Variants in HIVEP3 observed in about 807,000 individuals in gnomAD.
HIVEP3 encodes HIVEP zinc finger 3.
HIVEP3 carries 49 observed loss-of-function variants against 152.8 expected under a neutral mutation model. The ratio of observed to expected loss-of-function variants is 0.32; its 90% CI spans 0.26 to 0.41. HIVEP3 has a LOEUF of 0.41. Among genes scored for constraint, HIVEP3 ranks in the 10% least tolerant of loss-of-function variants. The pLI is 1.00. For synonymous variants in HIVEP3, 1,269 were observed against 1,289.0 expected (o/e 0.98, Z 0.33); for missense variants, 2,790 against 3,103.3 (o/e 0.90, Z 2.40).
chr1:41,561,327 A>G (rs1326221564), intron 5 of HIVEP3, among the ~76,000 whole-genome samples: 3 of 152,160 alleles, frequency 2.0e-5, no homozygotes, highest in African/African-American at 7.2e-5. Context: ...TGACCCAGAA[A>G]GGGTCACACA....
At chr1:42,004,062 C>T (rs917228908) in intron 1 of HIVEP3, among the ~76,000 whole-genome samples, 9 of 152,184 alleles carry the variant, frequency 5.9e-5, no homozygotes, top group African/African-American at 2.2e-4. Context: ...GAAAGGAGGA[C>T]ACAACCTCAC....
At chr1:41,713,417 T>C (rs1307570832) in intron 1 of HIVEP3, among the ~76,000 whole-genome samples, 1 of 152,190 alleles carries the variant, frequency 6.6e-6, no homozygotes, top group Non-Finnish European at 1.5e-5. Context: ...TCCAAGTAGC[T>C]TTCAGCCACG....
chr1:41,841,115 A>T lies in HIVEP3; in HGVS notation c.-801+77298T>A, dbSNP rs1351075713. On this transcript the variant is annotated intron_variant, in intron 1 of 8. Coordinates refer to ENST00000372583, the MANE Select transcript of HIVEP3 (RefSeq NM_024503.5). ...TGGAGGGCCGTGCAGACAACAACAA[A>T]GCCAGCCCTGCGTTTCCACCTACAA... Among the ~76,000 whole-genome samples, 7 of 152,140 alleles carry T rather than the reference A, an allele frequency of 4.6e-5. No individual in the cohort carries two copies. The East Asian group carries it at 1.3e-3, about 29-fold the overall frequency.
chr1:41,701,007 A>T lies in HIVEP3; in HGVS notation c.-800-12T>A, dbSNP rs1162465009. On this transcript the variant is annotated splice_polypyrimidine_tract_variant and intron_variant, in intron 1 of 8. Coordinates refer to ENST00000372583, the MANE Select transcript of HIVEP3 (RefSeq NM_024503.5). Reference sequence around the variant, plus strand: ...TGTTGGAGGGAGGCCTGTGGGAAGTAGAGAAAGTGAGAATATTATGCCACC... The same window carrying T: ...TGTTGGAGGGAGGCCTGTGGGAAGTTGAGAAAGTGAGAATATTATGCCACC... 3 of 973,420 alleles carry T rather than the reference A, an allele frequency of 3.1e-6. No homozygotes were observed. The highest frequency in any genetic ancestry group is 3.7e-6 in the Non-Finnish European group (3 of 819,026). The allele number at this position is 973,420 out of a possible 1,614,324, so 60.3% of individuals were successfully genotyped here.
intron 1 of HIVEP3, among the ~76,000 whole-genome samples, chr1:41,819,090 T>G (rs694236): frequency 0.37 from 56,035 of 152,046 alleles, 11,521 homozygotes; most frequent in East Asian, 0.8. Flanking sequence ...TGTAGAATCG[T>G]TGTTAAAATT....
At chr1:41,916,246 G>C (rs928970416) in intron 1 of HIVEP3, among the ~76,000 whole-genome samples, 3 of 152,122 alleles carry the variant, frequency 2.0e-5, no homozygotes, top group Non-Finnish European at 4.4e-5. Context: ...CACAATGGGC[G>C]GAGACAGCTC....
At chr1:41,782,630 G>A (rs1225829864) in intron 1 of HIVEP3, among the ~76,000 whole-genome samples, 2 of 151,768 alleles carry the variant, frequency 1.3e-5, no homozygotes, top group South Asian at 2.1e-4. Context: ...TATTCGGGAG[G>A]CTGAGGCAGG....
At chr1:41,797,212 T>G (rs1558277978) in intron 1 of HIVEP3, among the ~76,000 whole-genome samples, 1 of 152,242 alleles carries the variant, frequency 6.6e-6, no homozygotes, top group Non-Finnish European at 1.5e-5. Context: ...CAGTCCAGCA[T>G]GAAGCTAAGG....
At chr1:41,819,221 T>C (rs533546283) in intron 1 of HIVEP3, among the ~76,000 whole-genome samples, 2 of 152,200 alleles carry the variant, frequency 1.3e-5, no homozygotes, top group Non-Finnish European at 2.9e-5. Flanking sequence ...GTACAGAGAC[T>C]AATAAAATGA....
chr1:41,876,519 G>A (rs1233865934), intron 1 of HIVEP3, among the ~76,000 whole-genome samples: 1 of 152,140 alleles, frequency 6.6e-6, no homozygotes, highest in Non-Finnish European at 1.5e-5. Flanking sequence ...ATAAAACAGT[G>A]CCTGGCCTAT....
In HIVEP3 at chr1:41,607,201, C is replaced by T. The variant is rs371470352; in HGVS notation, c.-522+21548G>A. On this transcript the variant is annotated intron_variant, in intron 3 of 8. Transcript: ENST00000372583. ...CTACCCACCCCCTGACTGTCTGTGG[C>T]TTCTAGTTCTAGATCTCCTAGTTGA... Among the ~76,000 whole-genome samples the T allele has an allele frequency of 6.9e-4, 105 of 152,216 alleles. 3 individuals carry two copies. The South Asian group carries it at 0.018, about 26-fold the overall frequency.
intron 2 of HIVEP3, among the ~76,000 whole-genome samples, chr1:41,633,102 G>A (rs1483846005): frequency 6.6e-6 from 1 of 152,132 alleles, no homozygotes; most frequent in Non-Finnish European, 1.5e-5. Flanking sequence ...TGGCAGGTCA[G>A]AGGGCTGCCC....
chr1:41,934,012 T>C (rs1645008134), intron 1 of HIVEP3, among the ~76,000 whole-genome samples: 1 of 152,148 alleles, frequency 6.6e-6, no homozygotes, highest in Non-Finnish European at 1.5e-5. Context: ...TAATGTTTGC[T>C]CCCTTCTACA....
chr1:41,586,591 C>T (rs71652195), intron 3 of HIVEP3, among the ~76,000 whole-genome samples: 7,603 of 152,318 alleles, frequency 0.05, 260 homozygotes, highest in African/African-American at 0.096. Flanking sequence ...CCCTCATGCT[C>T]ACACTCTTCG....
At chr1:41,846,732 G>A (rs1310373506) in intron 1 of HIVEP3, among the ~76,000 whole-genome samples, 1 of 152,208 alleles carries the variant, frequency 6.6e-6, no homozygotes, top group Non-Finnish European at 1.5e-5. Context: ...CCTTTGCCAG[G>A]CTGTGATCTT....
At chr1:41,925,347 C>T (rs1644962756) in intron 1 of HIVEP3, among the ~76,000 whole-genome samples, 1 of 152,122 alleles carries the variant, frequency 6.6e-6, no homozygotes, top group African/African-American at 2.4e-5. Context: ...ATACCATAAA[C>T]AGTCAACACA....
chr1:41,794,465 T>C (rs1279564796), intron 1 of HIVEP3, among the ~76,000 whole-genome samples: 3 of 152,210 alleles, frequency 2.0e-5, no homozygotes, highest in South Asian at 4.1e-4. Context: ...GGGGAACTTA[T>C]AGGTAAAAAT....
At chr1:42,000,240 A>C (rs2124523216) in intron 1 of HIVEP3, among the ~76,000 whole-genome samples, 1 of 152,332 alleles carries the variant, frequency 6.6e-6, no homozygotes, top group East Asian at 1.9e-4. Flanking sequence ...TGGTGGGCCT[A>C]GGCCAACATC....
chr1:41,750,895 G>T (rs568161586), intron 1 of HIVEP3, among the ~76,000 whole-genome samples: 2 of 152,050 alleles, frequency 1.3e-5, no homozygotes, highest in Non-Finnish European at 2.9e-5. Context: ...TGTATTTTTA[G>T]TAGTGATGGG....
Sources: gnomAD v4.1 joint callset for allele counts (sites outside exome capture counted in the v4.1 genomes callset) on GRCh38, gnomAD v4.1.1 for gene constraint, MANE v1.5 for transcripts, NCBI Gene and HGNC (gene_info 2026-07-23, HGNC 2026-07-21) for gene names.